MRPL50: variants seen among roughly 807,000 people sequenced by gnomAD.
The protein encoded by MRPL50 is mitochondrial ribosomal protein L50, also known as large ribosomal subunit protein mL50.
Under a neutral mutation model 16.2 loss-of-function variants are expected in MRPL50, and 10 were observed. The ratio of observed to expected loss-of-function variants is 0.62; its 90% CI spans 0.38 to 1.05. The LOEUF (loss-of-function observed/expected upper bound fraction) is 1.05. Ranked by LOEUF, MRPL50 falls within the 50% of genes least tolerant of loss-of-function variation. The pLI is 0.01. For missense variants in MRPL50, 213 were observed against 187.1 expected (o/e 1.14, Z -0.81); for synonymous variants, 68 against 66.8 (o/e 1.02, Z -0.09).
rs145078938 is a variant in MRPL50, at chr9:101,393,772, A to G, written c.93-2922T>C. On this transcript the variant is annotated intron_variant, in intron 1 of 1. Transcript: ENST00000374865. ...CTACAATAAAAACTATAAAACACTG[A>G]TGAAAAAAATTGAAGGGGACACACA... Among the ~76,000 whole-genome samples, 452 of 152,140 alleles carry G rather than the reference A, an allele frequency of 3.0e-3. 4 individuals are homozygous for G. The highest frequency in any genetic ancestry group is 0.01 in the African/African-American group (419 of 41,524).
At position 101,388,026 on chromosome 9, in the gene MRPL50, T is replaced by C. The variant is rs1045126473; in HGVS notation, c.*2440A>G. ...TTAGGATGTGTTTACCCTCGTCGGC[T>C]AAATTTACCAAGACTGTTGTTTCAG... is the stretch of plus-strand genomic sequence containing the variant. On this transcript the variant is annotated 3_prime_UTR_variant, in exon 2 of 2. Transcript: ENST00000374865. 3 of 152,050 alleles carry C rather than the reference T, an allele frequency of 2.0e-5. No individual in the cohort carries two copies. The highest frequency in any genetic ancestry group is 4.4e-5 in the Non-Finnish European group (3 of 67,974). The allele number at this position is 152,050 out of a possible 1,614,324, so 9.4% of individuals were successfully genotyped here.
rs1174039855 is a variant in MRPL50 at position 101,390,844 on chromosome 9, C to G, written c.99G>C (p.Glu33Asp). 1 of 1,591,620 alleles carries G rather than the reference C, an allele frequency of 6.3e-7. No homozygotes were observed. The highest frequency in any genetic ancestry group is 1.2e-5 in the South Asian group (1 of 86,850). ...CREFWSRFRKEKEPVVVETVE... is the reference protein window; with the variant it reads ...CREFWSRFRKDKEPVVVETVE... ...CTGTCTCAACAACCACTGGCTCTTT[C>G]TCTTTTCTGGAATGATCAAAAACAA... The change falls in exon 2 of 2, where the codon GAG becomes GAC. Residue 33 changes from glutamate (E) to aspartate (D), a missense_variant. By Grantham distance (45) the Glu-to-Asp change is conservative. Coordinates refer to ENST00000374865, the MANE Select transcript of MRPL50 (RefSeq NM_019051.3).
chr9:101,396,318 G>A (rs1000622401), intron 1 of MRPL50, among the ~76,000 whole-genome samples: 1 of 152,018 alleles, frequency 6.6e-6, no homozygotes, highest in Non-Finnish European at 1.5e-5. Flanking sequence ...ATATCCAAAG[G>A]AAATGAAAGC....
In MRPL50 at chr9:101,398,569, GC is replaced by G. The variant is rs1564064830; in HGVS notation, c.23del (p.Gly8AlafsTer35). ...TCCACATGAAGACTCTTCTGGTAATGCCCGACACAGATCGCGCCGCCATCTT... is the reference window on the plus strand; with the variant it reads ...TCCACATGAAGACTCTTCTGGTAATGCCGACACAGATCGCGCCGCCATCTT... MAARSVS[G>X]ITRRVFMWTV... On this transcript the variant is annotated frameshift_variant, in exon 1 of 2. Transcript: ENST00000374865. LOFTEE classifies it high-confidence loss of function. 2 of 1,613,920 alleles carry G rather than the reference GC, an allele frequency of 1.2e-6. No homozygotes were observed. The highest frequency in any genetic ancestry group is 1.7e-5 in the Admixed American group (1 of 60,036).
At position 101,390,108 on chromosome 9, in the gene MRPL50, A is replaced by T; in HGVS notation, c.*358T>A. On this transcript the variant is annotated 3_prime_UTR_variant, in exon 2 of 2. Transcript: ENST00000374865. ...TGTGCAATGCATAACTCTATCTTAG[A>T]TATGAATCCTAACAGGATGAAAATA... 9.8e-7 allele frequency: 1 copy of T among 1,018,856 alleles called. No individual in the cohort carries two copies. Among genetic ancestry groups the T allele is most frequent in the Non-Finnish European group, 1.2e-6 (1 of 850,696 alleles). The allele number at this position is 1,018,856 out of a possible 1,614,324, so 63.1% of individuals were successfully genotyped here.
In MRPL50 at chr9:101,388,988, A is replaced by G. The variant is rs1461684520; in HGVS notation, c.*1478T>C. Reference sequence around the variant, plus strand: ...GTGAATACTATTTACATTCACAACTATAACATATAACATATTATTCACAAT... The same window carrying G: ...GTGAATACTATTTACATTCACAACTGTAACATATAACATATTATTCACAAT... On this transcript the variant is annotated 3_prime_UTR_variant, in exon 2 of 2. Transcript: ENST00000374865. 2.4e-5 allele frequency: 3 copies of G among 126,124 alleles called. No individual in the cohort carries two copies. Among genetic ancestry groups the G allele is most frequent in the Non-Finnish European group, 3.9e-5 (2 of 50,736 alleles). 7.8% of individuals were successfully genotyped at this position (126,124 alleles called of 1,614,324 possible).
At chr9:101,393,500 T>C (rs575561658) in intron 1 of MRPL50, among the ~76,000 whole-genome samples, 2 of 152,298 alleles carry the variant, frequency 1.3e-5, no homozygotes, top group African/African-American at 4.8e-5. Flanking sequence ...GTAAGATATA[T>C]GATCTTATAT....
rs1410260862 is a variant in MRPL50 at position 101,388,159 on chromosome 9, A to G, written c.*2307T>C. On this transcript the variant is annotated 3_prime_UTR_variant, in exon 2 of 2. Coordinates refer to ENST00000374865, the MANE Select transcript of MRPL50 (RefSeq NM_019051.3). ...GCTCAGGACCTACTCCAGACTTACC[A>G]AATCAGAATTTGCATTTTTAAAAGA... The G allele has an allele frequency of 3.9e-5, 6 of 152,124 alleles. No individual in the cohort carries two copies. Among genetic ancestry groups the G allele is most frequent in the Non-Finnish European group, 8.8e-5 (6 of 67,994 alleles). 9.4% of individuals were successfully genotyped at this position (152,124 alleles called of 1,614,324 possible).
rs1335619736 is a variant in MRPL50, at chr9:101,387,644, G to A, written c.*2822C>T. 6.6e-6 allele frequency: 1 copy of A among 152,020 alleles called. No individual in the cohort carries two copies. The highest frequency in any genetic ancestry group is 1.5e-5 in the Non-Finnish European group (1 of 67,964). 9.4% of individuals were successfully genotyped at this position (152,020 alleles called of 1,614,324 possible). A position where few individuals can be genotyped will look rare whatever the true frequency, so the allele number is the denominator to read the frequency against. On this transcript the variant is annotated 3_prime_UTR_variant, in exon 2 of 2. Coordinates refer to ENST00000374865, the MANE Select transcript of MRPL50 (RefSeq NM_019051.3). The stretch of plus-strand genomic sequence containing the variant: ...AAATGACACGTTAAGAAAGGAGGGA[G>A]GAGTTTATTTTATGCAGTTTAAAAC...
intron 1 of MRPL50, 105 bp from the exon 2 acceptor site, chr9:101,390,955 C>T: frequency 8.2e-7 from 1 of 1,219,826 alleles, no homozygotes; most frequent in Non-Finnish European, 1.1e-6. Context: ...CTGATTACCA[C>T]TGGGGACTAC....
chr9:101,392,347 C>T (rs1362209116), intron 1 of MRPL50, among the ~76,000 whole-genome samples: 1 of 151,366 alleles, frequency 6.6e-6, no homozygotes, highest in Non-Finnish European at 1.5e-5. Flanking sequence ...ATAAAAAGAT[C>T]AATGAATTAA....
At chr9:101,398,230 C>T (rs1830390760) in intron 1 of MRPL50, among the ~76,000 whole-genome samples, 1 of 152,246 alleles carries the variant, frequency 6.6e-6, no homozygotes, top group South Asian at 2.1e-4. Flanking sequence ...CGAGGTTAAT[C>T]CTGCTTGCTT....
At chr9:101,394,551 G>A (rs1339481217) in intron 1 of MRPL50, among the ~76,000 whole-genome samples, 1 of 152,170 alleles carries the variant, frequency 6.6e-6, no homozygotes, top group African/African-American at 2.4e-5. Flanking sequence ...CGGGGAGACA[G>A]ATTTGACTAA....
rs754448384 is a variant in MRPL50 at position 101,398,510 on chromosome 9, G to A, written c.83C>T (p.Ser28Phe). 1 of 1,613,862 alleles carries A rather than the reference G, an allele frequency of 6.2e-7. No homozygotes were observed. The highest frequency in any genetic ancestry group is 1.1e-5 in the South Asian group (1 of 91,074). ...CACCATAAAGCTTTACCTGAATCGAGACCAAAATTCTCTACATGGTGTCCC... is the reference window on the plus strand; with the variant it reads ...CACCATAAAGCTTTACCTGAATCGAAACCAAAATTCTCTACATGGTGTCCC... ...VSGTPCREFW[S>F]RFRKEKEPVV... Residue 28 changes from serine to phenylalanine, a missense_variant, in exon 1 of 2, where the codon TCT (serine) becomes TTT (phenylalanine). Transcript: ENST00000374865.
rs1310989365 is a variant in MRPL50 at position 101,387,889 on chromosome 9, T to C, written c.*2577A>G. On this transcript the variant is annotated 3_prime_UTR_variant, in exon 2 of 2. Coordinates refer to ENST00000374865, the MANE Select transcript of MRPL50 (RefSeq NM_019051.3). ...TCATTAAACAAGTTAGCAAGCCTAATTTAATCTTTCAGGAAAACTAAAGGC... is the reference window on the plus strand; with the variant it reads ...TCATTAAACAAGTTAGCAAGCCTAACTTAATCTTTCAGGAAAACTAAAGGC... 1 of 152,174 alleles carries C rather than the reference T, an allele frequency of 6.6e-6. No homozygotes were observed. The highest frequency in any genetic ancestry group is 1.5e-5 in the Non-Finnish European group (1 of 68,020). The allele number at this position is 152,174 out of a possible 1,614,324, so 9.4% of individuals were successfully genotyped here.
chr9:101,397,331 T>A (rs1830365549), intron 1 of MRPL50, among the ~76,000 whole-genome samples: 1 of 152,202 alleles, frequency 6.6e-6, no homozygotes, highest in Non-Finnish European at 1.5e-5. Context: ...TGTGAAGAGA[T>A]GAATATGATA....
At chr9:101,395,915 T>C (rs547411973) in intron 1 of MRPL50, among the ~76,000 whole-genome samples, 3 of 152,342 alleles carry the variant, frequency 2.0e-5, no homozygotes, top group African/African-American at 7.2e-5. Context: ...AGTAATTTAT[T>C]TGTATTTCAA....
rs577104438 is a variant in MRPL50, at chr9:101,397,161, C to T, written c.92+1340G>A. ...GTAAATCTTAAGTGTTTTCACCACA[C>T]ACACAAAAATTCTAACTGGCCAGGT... On this transcript the variant is annotated intron_variant, in intron 1 of 1. Transcript: ENST00000374865. Among the ~76,000 whole-genome samples the T allele has an allele frequency of 3.3e-5, 5 of 152,016 alleles. No individual in the cohort carries two copies. The South Asian group carries it at 1.0e-3, about 32-fold the overall frequency.
chr9:101,396,406 C>T (rs141228189), intron 1 of MRPL50, among the ~76,000 whole-genome samples: 1 of 152,164 alleles, frequency 6.6e-6, no homozygotes, highest in African/African-American at 2.4e-5. Context: ...CATGTATACA[C>T]ACACATACAC....
Sources: gnomAD v4.1 joint callset for allele counts (sites outside exome capture counted in the v4.1 genomes callset) on GRCh38, gnomAD v4.1.1 for gene constraint, MANE v1.5 for transcripts, NCBI Gene and HGNC (gene_info 2026-07-23, HGNC 2026-07-21) for gene names.